The following SVIL variants were observed in gnomAD, a reference collection of about 807,000 sequenced individuals.
The protein encoded by SVIL is archvillin.
SVIL carries 101 observed loss-of-function variants against 240.4 expected under a neutral mutation model. That is an observed-to-expected ratio of 0.42 (90% CI 0.36 to 0.50). The LOEUF is 0.50. SVIL is among the 20% of genes least tolerant of loss of function. The pLI, the probability that SVIL is intolerant of heterozygous loss-of-function variation, is 0.01. For synonymous variants in SVIL, 999 were observed against 1,100.0 expected (o/e 0.91, Z 1.82); for missense variants, 2,512 against 2,818.7 (o/e 0.89, Z 2.46).
At chr10:29,558,947 A>AT (rs543943520) in intron 3 of SVIL, among the ~76,000 whole-genome samples, 63 of 144,860 alleles carry the variant, frequency 4.3e-4, no homozygotes, top group East Asian at 2.7e-3. Context: ...ATATATATAT[A>AT]AAAAATATGG....
intron 31 of SVIL, among the ~76,000 whole-genome samples, 173 bp from the exon 32 acceptor site, chr10:29,470,656 G>A (rs1485719068): frequency 6.6e-6 from 1 of 152,146 alleles, no homozygotes; most frequent in Admixed American, 6.5e-5. Context: ...GAGCACTGAG[G>A]CATCAGGCCT....
chr10:29,660,807 C>G (rs1215653986), intron 2 of SVIL, among the ~76,000 whole-genome samples: 1 of 152,230 alleles, frequency 6.6e-6, no homozygotes, highest in Non-Finnish European at 1.5e-5. Flanking sequence ...GGCTCTACAA[C>G]TGTGAGTCCA....
chr10:29,727,584 A>T (rs1760732421), intron 1 of SVIL, among the ~76,000 whole-genome samples: 1 of 152,144 alleles, frequency 6.6e-6, no homozygotes, highest in Admixed American at 6.5e-5. Context: ...GCAATAGCCA[A>T]ACCACCTGGG....
chr10:29,670,768 G>C (rs1959706778), intron 2 of SVIL, among the ~76,000 whole-genome samples: 1 of 152,190 alleles, frequency 6.6e-6, no homozygotes, highest in Admixed American at 6.5e-5. Flanking sequence ...GCAGTGGCAG[G>C]AAAGCCAGCA....
intron 13 of SVIL, among the ~76,000 whole-genome samples, chr10:29,526,309 T>C (rs1177442457): frequency 4.2e-5 from 6 of 143,940 alleles, no homozygotes; most frequent in African/African-American, 1.0e-4. Flanking sequence ...CTCTTTCTTT[T>C]TTTTTTTTTT....
chr10:29,714,965 A>AG (rs1323183365), intron 1 of SVIL, among the ~76,000 whole-genome samples: 183 of 150,692 alleles, frequency 1.2e-3, no homozygotes, highest in African/African-American at 3.9e-3. Flanking sequence ...AAAAAAAAAA[A>AG]AAGAAGAAAA....
intron 1 of SVIL, among the ~76,000 whole-genome samples, chr10:29,588,132 T>C (rs34865838): frequency 0.19 from 29,063 of 151,288 alleles, 3,365 homozygotes; most frequent in Non-Finnish European, 0.25. Context: ...CACCAGAATT[T>C]AATATGTCCC....
intron 2 of SVIL, among the ~76,000 whole-genome samples, chr10:29,659,837 A>G (rs898943791): frequency 1.4e-4 from 22 of 152,076 alleles, no homozygotes; most frequent in African/African-American, 5.3e-4. Context: ...CCTTTCCTCC[A>G]CAAATCTCTT....
intron 2 of SVIL, among the ~76,000 whole-genome samples, chr10:29,659,705 G>A (rs1220001024): frequency 6.6e-6 from 1 of 152,180 alleles, no homozygotes; most frequent in African/African-American, 2.4e-5. Context: ...CCACTGCCTG[G>A]TGGAATTCAG....
intron 34 of SVIL, among the ~76,000 whole-genome samples, 171 bp downstream of exon 34, chr10:29,465,424 T>C (rs2132285261): frequency 6.6e-6 from 1 of 152,320 alleles, no homozygotes; most frequent in East Asian, 1.9e-4. Context: ...TTCACTCTCC[T>C]TCCTTTTGGT....
chr10:29,725,226 AG>A (rs1312300479), intron 1 of SVIL, among the ~76,000 whole-genome samples: 1 of 151,958 alleles, frequency 6.6e-6, no homozygotes, highest in Non-Finnish European at 1.5e-5. Context: ...CTAGAGCCTC[AG>A]GGTGATTCAT....
At chr10:29,623,782 G>C (rs1007395065) in intron 1 of SVIL, among the ~76,000 whole-genome samples, 1 of 150,726 alleles carries the variant, frequency 6.6e-6, no homozygotes, top group East Asian at 2.0e-4. Flanking sequence ...ACCCAGGAGG[G>C]GGAGGTTGCA....
Position 29,533,224 on chromosome 10 carries a change from C to T in SVIL, c.1143G>A (p.Thr381=), listed in dbSNP as rs556634251. 2.3e-5 allele frequency: 37 copies of T among 1,614,100 alleles called. No homozygotes were observed. Among genetic ancestry groups the T allele is most frequent in the South Asian group, 2.0e-4 (18 of 91,080 alleles). The change falls in exon 8 of 38, where the codon ACG becomes ACA. Residue 381 remains threonine (T), a synonymous_variant. Transcript: ENST00000355867. ...CAGATGCATTTTCTGGGGTTTCTGGCGTCACTAGCTTGGCGGTGTGACCGG... is the reference window on the plus strand; with the variant it reads ...CAGATGCATTTTCTGGGGTTTCTGGTGTCACTAGCTTGGCGGTGTGACCGG... The part of the protein sequence containing the change: ...ADTGHTAKLV[T]PETPENASEC...
chr10:29,616,424 A>C (rs1262114046), intron 1 of SVIL, among the ~76,000 whole-genome samples: 1 of 152,268 alleles, frequency 6.6e-6, no homozygotes. Flanking sequence ...TTAGTCCAAA[A>C]TCAAGTAAAA....
intron 2 of SVIL, among the ~76,000 whole-genome samples, chr10:29,676,367 G>GA (rs1033640505): frequency 1.2e-4 from 15 of 127,518 alleles, no homozygotes; most frequent in African/African-American, 4.8e-4. Context: ...TTTTTAAGTG[G>GA]AAAAAAAAGA....
chr10:29,686,222 C>G (rs1352414507), intron 2 of SVIL, among the ~76,000 whole-genome samples: 1 of 152,178 alleles, frequency 6.6e-6, no homozygotes, highest in African/African-American at 2.4e-5. Context: ...CCTGTAACCT[C>G]TATCTTGGAA....
At chr10:29,557,510 G>T (rs1954046860) in intron 3 of SVIL, among the ~76,000 whole-genome samples, 1 of 151,948 alleles carries the variant, frequency 6.6e-6, no homozygotes, top group Non-Finnish European at 1.5e-5. Flanking sequence ...GACTTTTCTT[G>T]GTTCTAATTA....
At chr10:29,645,077 C>T (rs1958613080) in intron 3 of SVIL, among the ~76,000 whole-genome samples, 1 of 152,090 alleles carries the variant, frequency 6.6e-6, no homozygotes, top group African/African-American at 2.4e-5. Flanking sequence ...TTTAATACAA[C>T]ATTCACTTCA....
At chr10:29,538,094 G>T (rs1951866940) in intron 6 of SVIL, among the ~76,000 whole-genome samples, 1 of 152,240 alleles carries the variant, frequency 6.6e-6, no homozygotes, top group Non-Finnish European at 1.5e-5. Context: ...TGTTGGAAAT[G>T]ACATCAAGTT....
Sources: allele counts gnomAD v4.1 joint callset (sites outside exome capture counted in the v4.1 genomes callset), GRCh38; gene constraint gnomAD v4.1.1; transcripts MANE v1.5; gene names NCBI Gene and HGNC (gene_info 2026-07-23, HGNC 2026-07-21).